The following RIMS2 variants were observed in gnomAD, a reference collection of about 807,000 sequenced individuals.
RIMS2 encodes the protein regulating synaptic membrane exocytosis 2.
A neutral mutation model predicts 174.4 loss-of-function variants in RIMS2; 59 were observed. That is an observed-to-expected ratio of 0.34 (90% CI 0.27 to 0.42). The LOEUF (loss-of-function observed/expected upper bound fraction) is 0.42, where lower values mean the gene tolerates loss of function less well. RIMS2 is among the 10% of genes least tolerant of loss of function. The pLI, the probability that RIMS2 is intolerant of heterozygous loss-of-function variation, is 1.00. For missense variants in RIMS2, 1,620 were observed against 1,666.3 expected (o/e 0.97, Z 0.48); for synonymous variants, 606 against 572.5 (o/e 1.06, Z -0.84).
At chr8:104,016,427 T>C (rs2154554319) in intron 19 of RIMS2, among the ~76,000 whole-genome samples, 1 of 152,188 alleles carries the variant, frequency 6.6e-6, no homozygotes, top group East Asian at 1.9e-4. Flanking sequence ...GTTGTGTTCT[T>C]GTTAACTGGA....
In RIMS2 at chr8:103,748,632, C is replaced by T. The variant is rs118112911; in HGVS notation, c.388-17595C>T. 4.6e-3 allele frequency among the ~76,000 whole-genome samples: 696 copies of T among 152,192 alleles called. 3 individuals carry two copies. The highest frequency in any genetic ancestry group is 0.01 in the Middle Eastern group (3 of 294). On this transcript the variant is annotated intron_variant, in intron 2 of 23. Coordinates refer to ENST00000504942, the Ensembl canonical transcript of RIMS2. ...CATTACTATTTCACCATCATTGCCT[C>T]TAGTTTACATCTTCGGTTCTCTTCA...
chr8:104,027,026 A>C (rs1003925074), intron 19 of RIMS2, among the ~76,000 whole-genome samples: 1 of 152,210 alleles, frequency 6.6e-6, no homozygotes, highest in Non-Finnish European at 1.5e-5. Context: ...ATACTTTAAA[A>C]TACCAAGGGA....
chr8:104,005,168 T>A (rs2154552668), intron 17 of RIMS2, among the ~76,000 whole-genome samples: 1 of 152,322 alleles, frequency 6.6e-6, no homozygotes, highest in South Asian at 2.1e-4. Context: ...AGCACTACCA[T>A]AGTCAATCCC....
intron 1 of RIMS2, among the ~76,000 whole-genome samples, chr8:103,572,084 T>A (rs908771976): frequency 6.6e-6 from 1 of 151,634 alleles, no homozygotes; most frequent in Non-Finnish European, 1.5e-5. Context: ...GTGTCAGGAG[T>A]TTGTTCCTTC....
At chr8:103,780,041 A>T (rs1457573868) in intron 3 of RIMS2, among the ~76,000 whole-genome samples, 1 of 152,064 alleles carries the variant, frequency 6.6e-6, no homozygotes, top group African/African-American at 2.4e-5. Context: ...TTTGTAGTAC[A>T]TTTTGAAGTT....
At position 103,787,906 on chromosome 8, in the gene RIMS2, A is replaced by T. The variant is rs1196248175; in HGVS notation, c.698+21369A>T. 3.9e-5 allele frequency among the ~76,000 whole-genome samples: 6 copies of T among 152,096 alleles called. No individual in the cohort carries two copies. The South Asian group carries it at 1.2e-3, about 32-fold the overall frequency. ...CATTCTCCCCATCACTTTCAGGTACACCAATCAGACGTAGATTTGGTCTTT... is the reference window on the plus strand; with the variant it reads ...CATTCTCCCCATCACTTTCAGGTACTCCAATCAGACGTAGATTTGGTCTTT... On this transcript the variant is annotated intron_variant, in intron 3 of 23. Coordinates refer to ENST00000504942, the Ensembl canonical transcript of RIMS2.
At chr8:103,594,196 TTC>T (rs1665757070) in intron 1 of RIMS2, among the ~76,000 whole-genome samples, 1 of 151,646 alleles carries the variant, frequency 6.6e-6, no homozygotes, top group South Asian at 2.1e-4. Flanking sequence ...GCCTTTTTGT[TTC>T]AACTGTGATA....
chr8:104,011,841 T>G (rs1485705925), intron 17 of RIMS2, among the ~76,000 whole-genome samples: 1 of 152,026 alleles, frequency 6.6e-6, no homozygotes, highest in Non-Finnish European at 1.5e-5. Context: ...TTAAGCAATT[T>G]AAGAAATAAT....
intron 17 of RIMS2, among the ~76,000 whole-genome samples, chr8:104,012,926 C>T (rs1246759334): frequency 6.6e-6 from 1 of 152,168 alleles, no homozygotes. Context: ...AATATGGCTA[C>T]AGACTTCACA....
intron 19 of RIMS2, among the ~76,000 whole-genome samples, chr8:104,157,257 A>G (rs1270994835): frequency 6.6e-6 from 1 of 152,224 alleles, no homozygotes; most frequent in African/African-American, 2.4e-5. Context: ...CTTATATAGC[A>G]TCTAGGCTCG....
At chr8:103,559,498 G>T in intron 1 of RIMS2, 1 of 281,310 alleles carries the variant, frequency 3.6e-6, no homozygotes, top group Middle Eastern at 1.1e-3. Flanking sequence ...TGGCTGCTGT[G>T]AGAAGGGAGC....
intron 1 of RIMS2, among the ~76,000 whole-genome samples, chr8:103,523,285 T>C (rs936238535): frequency 2.0e-5 from 3 of 152,140 alleles, no homozygotes; most frequent in African/African-American, 4.8e-5. Context: ...TGATTTTGCA[T>C]TGGGCATCAG....
intron 2 of RIMS2, among the ~76,000 whole-genome samples, chr8:103,750,517 T>C (rs192432065): frequency 6.6e-6 from 1 of 152,248 alleles, no homozygotes; most frequent in Admixed American, 6.5e-5. Context: ...CCATTCATTA[T>C]TATGTGTTTA....
At chr8:103,918,622 G>A in intron 9 of RIMS2, 135 bp downstream of exon 12, 4 of 652,502 alleles carry the variant, frequency 6.1e-6, no homozygotes, top group Middle Eastern at 3.7e-4. Flanking sequence ...TATAAAGATG[G>A]AAAATTTAGT....
At chr8:104,069,956 A>G (rs868372593) in intron 19 of RIMS2, among the ~76,000 whole-genome samples, 1 of 152,182 alleles carries the variant, frequency 6.6e-6, no homozygotes, top group African/African-American at 2.4e-5. Flanking sequence ...TAGTAATTGA[A>G]TCATTATAGT....
At chr8:104,148,337 A>G (rs959641700) in intron 19 of RIMS2, among the ~76,000 whole-genome samples, 7 of 152,100 alleles carry the variant, frequency 4.6e-5, no homozygotes, top group Admixed American at 2.0e-4. Flanking sequence ...CTGATTTTTC[A>G]TGAATTTTTT....
At chr8:103,924,639 T>C (rs551280117) in intron 10 of RIMS2, among the ~76,000 whole-genome samples, 2 of 151,782 alleles carry the variant, frequency 1.3e-5, no homozygotes, top group South Asian at 2.1e-4. Flanking sequence ...AAACTGCTAA[T>C]GCCTGAGAAC....
intron 1 of RIMS2, among the ~76,000 whole-genome samples, chr8:103,534,038 GA>G (rs1247988419): frequency 6.6e-6 from 1 of 152,148 alleles, no homozygotes; most frequent in Admixed American, 6.5e-5. Context: ...AACTGTTTCT[GA>G]AAAATACACT....
intron 2 of RIMS2, among the ~76,000 whole-genome samples, chr8:103,743,404 T>C (rs1020327256): frequency 6.6e-6 from 1 of 152,196 alleles, no homozygotes; most frequent in Admixed American, 6.5e-5. Flanking sequence ...TCCATTGAGT[T>C]AACAGTGTCT....
Sources: allele counts gnomAD v4.1 joint callset (sites outside exome capture counted in the v4.1 genomes callset), GRCh38; gene constraint gnomAD v4.1.1; transcripts MANE v1.5; gene names NCBI Gene and HGNC (gene_info 2026-07-23, HGNC 2026-07-21).